The following VPS41 variants were observed in gnomAD, a reference collection of about 807,000 sequenced individuals.
VPS41 encodes the protein VPS41 subunit of HOPS complex.
In VPS41, 85 loss-of-function variants were observed where a neutral mutation model predicts 130.9. The ratio of observed to expected loss-of-function variants is 0.65; its 90% CI spans 0.55 to 0.78. VPS41 has a LOEUF of 0.78. VPS41 is among the 30% of genes least tolerant of loss of function. The pLI, the probability that VPS41 is intolerant of heterozygous loss-of-function variation, is 0.00. For missense variants in VPS41, 874 were observed against 1,018.7 expected, an observed-to-expected ratio of 0.86 and a Z score of 1.93; for synonymous variants, 335 against 332.9, an observed-to-expected ratio of 1.01 and a Z score of -0.07.
In VPS41 at chr7:38,850,871, T is replaced by C. The variant is rs540586678; in HGVS notation, c.246+11674A>G. Reference sequence around the variant, plus strand: ...TTCTAGAAATCTAAGTGGCAATGAATTTTCAAATAACAACAGCCAACACTG... The same window carrying C: ...TTCTAGAAATCTAAGTGGCAATGAACTTTCAAATAACAACAGCCAACACTG... On this transcript the variant is annotated intron_variant, in intron 4 of 28. Coordinates refer to ENST00000310301, the MANE Select transcript of VPS41 (RefSeq NM_014396.4). Among the ~76,000 whole-genome samples, 68 of 152,282 alleles carry C rather than the reference T, an allele frequency of 4.5e-4. No individual in the cohort carries two copies. In the South Asian group the frequency reaches 0.012, roughly 26 times the overall value.
chr7:38,819,481 A>G (rs1785126585), intron 6 of VPS41, among the ~76,000 whole-genome samples: 2 of 152,230 alleles, frequency 1.3e-5, no homozygotes, highest in Non-Finnish European at 2.9e-5. Flanking sequence ...TTTAAAGAAG[A>G]GTCTCTGCTG....
chr7:38,899,139 C>T (rs920811322), intron 1 of VPS41, among the ~76,000 whole-genome samples: 8 of 152,316 alleles, frequency 5.3e-5, no homozygotes, highest in African/African-American at 1.9e-4. Context: ...TGACAGGTGG[C>T]AGGCACCTTC....
chr7:38,765,978 C>A (rs1784035043), intron 15 of VPS41, among the ~76,000 whole-genome samples: 1 of 152,174 alleles, frequency 6.6e-6, no homozygotes, highest in Non-Finnish European at 1.5e-5. Flanking sequence ...CCCAGAGGAG[C>A]ACTGCTGGTT....
intron 7 of VPS41, among the ~76,000 whole-genome samples, chr7:38,810,846 T>C (rs1408426063): frequency 2.0e-5 from 3 of 152,182 alleles, no homozygotes; most frequent in Non-Finnish European, 4.4e-5. Flanking sequence ...TTGATATCTA[T>C]AACATGATTA....
intron 6 of VPS41, among the ~76,000 whole-genome samples, chr7:38,818,903 C>T (rs3801134): frequency 0.61 from 92,956 of 152,004 alleles, 29,261 homozygotes; most frequent in East Asian, 0.89. Context: ...CCTACAATGT[C>T]ATTTTTAAGG....
chr7:38,908,338 T>C (rs1787315466), intron 1 of VPS41, among the ~76,000 whole-genome samples: 1 of 152,218 alleles, frequency 6.6e-6, no homozygotes. Flanking sequence ...TTTTACTTCG[T>C]CATTTCATAA....
chr7:38,807,287 G>A (rs1784857841), intron 7 of VPS41, among the ~76,000 whole-genome samples: 1 of 152,098 alleles, frequency 6.6e-6, no homozygotes, highest in African/African-American at 2.4e-5. Context: ...TTGGCCGCAG[G>A]GCACTGACAC....
At chr7:38,896,812 C>T (rs1159080085) in intron 2 of VPS41, among the ~76,000 whole-genome samples, 1 of 152,212 alleles carries the variant, frequency 6.6e-6, no homozygotes, top group Non-Finnish European at 1.5e-5. Flanking sequence ...ATCACAGATA[C>T]ATTTTCATTC....
chr7:38,727,125 G>GC, intron 27 of VPS41, 137 bp from the exon 28 acceptor site: 1 of 652,210 alleles, frequency 1.5e-6, no homozygotes, highest in Non-Finnish European at 2.3e-6. Flanking sequence ...ATTTACAAAA[G>GC]CATTCCTGAG....
chr7:38,773,685 A>G (rs1339386823), intron 12 of VPS41, among the ~76,000 whole-genome samples: 2 of 152,322 alleles, frequency 1.3e-5, no homozygotes, highest in African/African-American at 2.4e-5. Context: ...AAAATGTGCC[A>G]GAAGTCTTTC....
At chr7:38,898,962 AT>A (rs200593942) in intron 1 of VPS41, among the ~76,000 whole-genome samples, 1 of 149,228 alleles carries the variant, frequency 6.7e-6, no homozygotes, top group South Asian at 2.1e-4. Flanking sequence ...CAAGAAAAAA[AT>A]GGGGCAAGGA....
chr7:38,764,631 T>C (rs1173698267), intron 16 of VPS41, among the ~76,000 whole-genome samples: 1 of 151,448 alleles, frequency 6.6e-6, no homozygotes. Flanking sequence ...ATGAAAAAAA[T>C]GACAAGAAGT....
chr7:38,797,374 T>C (rs1451946888), intron 7 of VPS41, among the ~76,000 whole-genome samples: 1 of 152,164 alleles, frequency 6.6e-6, no homozygotes, highest in Non-Finnish European at 1.5e-5. Flanking sequence ...AAAAAACAAT[T>C]GGAATTAAGC....
intron 2 of VPS41, among the ~76,000 whole-genome samples, chr7:38,874,726 C>A (rs956333415): frequency 1.3e-5 from 2 of 152,046 alleles, no homozygotes; most frequent in African/African-American, 4.8e-5. Flanking sequence ...CAGTAAAAAA[C>A]CAACTATTAA....
intron 2 of VPS41, among the ~76,000 whole-genome samples, chr7:38,877,448 A>G (rs1188292844): frequency 6.6e-6 from 1 of 152,206 alleles, no homozygotes; most frequent in Non-Finnish European, 1.5e-5. Context: ...GAACTATATC[A>G]TCTTCTAGCA....
chr7:38,767,960 T>C (rs1784079299), intron 14 of VPS41, among the ~76,000 whole-genome samples: 2 of 152,204 alleles, frequency 1.3e-5, no homozygotes, highest in South Asian at 4.1e-4. Flanking sequence ...AATTGTTTCC[T>C]GTGCCTTCAT....
chr7:38,907,155 G>A (rs1456636680), intron 1 of VPS41, among the ~76,000 whole-genome samples: 5 of 152,054 alleles, frequency 3.3e-5, no homozygotes, highest in African/African-American at 4.8e-5. Context: ...ATGCAGGAAG[G>A]TTTCAAAGCA....
chr7:38,884,421 GGAA>G (rs1408367806), intron 2 of VPS41, among the ~76,000 whole-genome samples: 1 of 152,144 alleles, frequency 6.6e-6, no homozygotes, highest in African/African-American at 2.4e-5. Context: ...ACTGGTATTT[GGAA>G]GAACTAAACC....
In VPS41 at chr7:38,763,435, AC is replaced by A; in HGVS notation, c.1422+19del. 6.6e-7 allele frequency: 1 copy of A among 1,509,768 alleles called. No individual in the cohort carries two copies. The highest frequency in any genetic ancestry group is 9.0e-7 in the Non-Finnish European group (1 of 1,111,758). 93.5% of individuals were successfully genotyped at this position (1,509,768 alleles called of 1,614,324 possible). A position where few individuals can be genotyped will look rare whatever the true frequency, so the allele number is the denominator to read the frequency against. On this transcript the variant is annotated intron_variant, in intron 17 of 28. Transcript: ENST00000310301. ...CTCCCATCGAGAACAAGTAAATATG[AC>A]CACATCAGAACACCATACCTCATAA... is the stretch of plus-strand genomic sequence containing the variant.
Sources: allele counts gnomAD v4.1 joint callset (sites outside exome capture counted in the v4.1 genomes callset), GRCh38; gene constraint gnomAD v4.1.1; transcripts MANE v1.5; gene names NCBI Gene and HGNC (gene_info 2026-07-23, HGNC 2026-07-21).